The following KCNQ3 variants were observed in gnomAD, a reference collection of about 807,000 sequenced individuals.
The protein encoded by KCNQ3 is potassium voltage-gated channel subfamily Q member 3, also known as potassium voltage-gated channel subfamily KQT member 3.
Under a neutral mutation model 92.5 loss-of-function variants are expected in KCNQ3, and 30 were observed. That is an observed-to-expected ratio of 0.32 (90% CI 0.24 to 0.44). The LOEUF (loss-of-function observed/expected upper bound fraction) is 0.44, where lower values mean the gene tolerates loss of function less well. Among genes scored for constraint, KCNQ3 ranks in the 20% least tolerant of loss-of-function variants. The pLI, the probability that KCNQ3 is intolerant of heterozygous loss-of-function variation, is 1.00. For missense variants in KCNQ3, 913 were observed against 1,140.3 expected, an observed-to-expected ratio of 0.80 and a Z score of 2.87; for synonymous variants, 450 against 468.8, an observed-to-expected ratio of 0.96 and a Z score of 0.52.
At chr8:132,138,628 T>C (rs974699609) in intron 11 of KCNQ3, among the ~76,000 whole-genome samples, 9 of 152,218 alleles carry the variant, frequency 5.9e-5, no homozygotes, top group Non-Finnish European at 1.3e-4. Flanking sequence ...AATCAAAGCC[T>C]CACCTCCATC....
chr8:132,477,530 T>A (rs184492481), intron 1 of KCNQ3, among the ~76,000 whole-genome samples: 145 of 152,320 alleles, frequency 9.5e-4, no homozygotes, highest in African/African-American at 3.4e-3. Context: ...CTGGACTGTC[T>A]CCTAAGCTGC....
intron 1 of KCNQ3, among the ~76,000 whole-genome samples, chr8:132,298,527 C>G (rs775706731): frequency 1.1e-4 from 17 of 152,064 alleles, no homozygotes; most frequent in South Asian, 2.1e-4. Context: ...CTTAATTATG[C>G]CTGGTGTCTA....
chr8:132,139,030 T>C (rs1205959416), intron 11 of KCNQ3, among the ~76,000 whole-genome samples: 3 of 152,206 alleles, frequency 2.0e-5, no homozygotes, highest in Non-Finnish European at 4.4e-5. Flanking sequence ...GTCACACTCA[T>C]TCCTTTAGGC....
intron 1 of KCNQ3, among the ~76,000 whole-genome samples, chr8:132,455,700 A>C (rs961566954): frequency 6.6e-6 from 1 of 152,114 alleles, no homozygotes; most frequent in African/African-American, 2.4e-5. Flanking sequence ...TGCACTAACT[A>C]ACTCATGTAA....
chr8:132,354,329 A>G lies in KCNQ3; in HGVS notation c.386+125818T>C, dbSNP rs189738195. Among the ~76,000 whole-genome samples the G allele has an allele frequency of 3.2e-3, 487 of 152,310 alleles. 12 individuals carry two copies. Among genetic ancestry groups the G allele is most frequent in the Admixed American group, 0.03 (466 of 15,308 alleles). On this transcript the variant is annotated intron_variant, in intron 1 of 14. Coordinates refer to ENST00000388996, the MANE Select transcript of KCNQ3 (RefSeq NM_004519.4). ...CATACATACACTAGCATGCTAAATG[A>G]TTGCTATATAGTGAGAACAACGGCC...
At chr8:132,408,683 C>T (rs1419347084) in intron 1 of KCNQ3, among the ~76,000 whole-genome samples, 1 of 152,034 alleles carries the variant, frequency 6.6e-6, no homozygotes, top group Non-Finnish European at 1.5e-5. Flanking sequence ...CCTGGGTGGG[C>T]CTGACCAAAT....
intron 1 of KCNQ3, among the ~76,000 whole-genome samples, chr8:132,197,897 C>T (rs1235411985): frequency 6.6e-6 from 1 of 152,050 alleles, no homozygotes; most frequent in Non-Finnish European, 1.5e-5. Flanking sequence ...TAAACGGGTA[C>T]CAAAAAGGAA....
intron 1 of KCNQ3, among the ~76,000 whole-genome samples, chr8:132,191,591 A>ATGTG (rs202106374): frequency 5.5e-5 from 4 of 73,024 alleles, no homozygotes; most frequent in Non-Finnish European, 9.0e-5. Context: ...AAAGATGGAT[A>ATGTG]TGTGTGTGTA....
chr8:132,176,614 C>T (rs866573831), intron 4 of KCNQ3, among the ~76,000 whole-genome samples: 19 of 152,202 alleles, frequency 1.2e-4, no homozygotes, highest in African/African-American at 4.6e-4. Flanking sequence ...ATCTTCCTGA[C>T]AGGGTTGCTT....
chr8:132,388,222 T>C (rs1017625948), intron 1 of KCNQ3, among the ~76,000 whole-genome samples: 2 of 152,222 alleles, frequency 1.3e-5, no homozygotes, highest in African/African-American at 2.4e-5. Flanking sequence ...AAAAGAGGCA[T>C]AGTCGTTGTT....
At chr8:132,401,298 C>T (rs1239411863) in intron 1 of KCNQ3, among the ~76,000 whole-genome samples, 4 of 152,232 alleles carry the variant, frequency 2.6e-5, no homozygotes, top group Middle Eastern at 3.4e-3. Flanking sequence ...TGGATTTCAC[C>T]CACTTCCACT....
chr8:132,387,700 AGTTATAAAAGAAGAAATAGGCTG>A (rs1168201417), intron 1 of KCNQ3, among the ~76,000 whole-genome samples: 1 of 152,104 alleles, frequency 6.6e-6, no homozygotes, highest in African/African-American at 2.4e-5. Context: ...AGATCCTGGG[AGTTATAAAAGAAGAAATAGGCTG>A]GGCCCAGTGG....
chr8:132,478,439 C>G (rs1467529019), intron 1 of KCNQ3, among the ~76,000 whole-genome samples: 2 of 152,192 alleles, frequency 1.3e-5, no homozygotes, highest in Non-Finnish European at 2.9e-5. Context: ...GTGCACTCAA[C>G]GAACTTCTTG....
intron 1 of KCNQ3, among the ~76,000 whole-genome samples, chr8:132,309,539 A>G (rs1586915875): frequency 6.6e-6 from 1 of 152,122 alleles, no homozygotes; most frequent in South Asian, 2.1e-4. Context: ...CACCCCAAAC[A>G]CCCTGGACTA....
intron 2 of KCNQ3, among the ~76,000 whole-genome samples, chr8:132,184,840 GATA>G (rs1174713842): frequency 1.3e-5 from 2 of 152,160 alleles, no homozygotes; most frequent in Non-Finnish European, 2.9e-5. Flanking sequence ...GAAAGTGTTT[GATA>G]ATATTATTCT....
intron 1 of KCNQ3, among the ~76,000 whole-genome samples, chr8:132,192,214 C>G (rs1245800844): frequency 3.9e-5 from 6 of 152,306 alleles, no homozygotes; most frequent in Non-Finnish European, 7.4e-5. Flanking sequence ...GCAGCAGAGG[C>G]CCGGCGTAGC....
At chr8:132,306,559 T>G (rs1038532965) in intron 1 of KCNQ3, among the ~76,000 whole-genome samples, 6 of 152,214 alleles carry the variant, frequency 3.9e-5, no homozygotes, top group Non-Finnish European at 7.3e-5. Flanking sequence ...TTCCCAGCAG[T>G]GTGTGCATAG....
chr8:132,229,901 G>A (rs1284592362), intron 1 of KCNQ3, among the ~76,000 whole-genome samples: 1 of 152,124 alleles, frequency 6.6e-6, no homozygotes, highest in African/African-American at 2.4e-5. Context: ...GTGGTGGAAG[G>A]GAGCTGGCAA....
chr8:132,326,290 A>T (rs1170637846), intron 1 of KCNQ3, among the ~76,000 whole-genome samples: 1 of 152,178 alleles, frequency 6.6e-6, no homozygotes, highest in Non-Finnish European at 1.5e-5. Context: ...TGTGCCTGGA[A>T]GTCATCGGGC....
Sources: gnomAD v4.1 joint callset for allele counts (sites outside exome capture counted in the v4.1 genomes callset) on GRCh38, gnomAD v4.1.1 for gene constraint, MANE v1.5 for transcripts, NCBI Gene and HGNC (gene_info 2026-07-23, HGNC 2026-07-21) for gene names.